Variants in SHC4 observed in about 807,000 individuals in gnomAD.
SHC4 encodes SHC-transforming protein 4.
In SHC4, 41 loss-of-function variants were observed where a neutral mutation model predicts 69.4. The ratio of observed to expected loss-of-function variants is 0.59; its 90% CI spans 0.46 to 0.77. The LOEUF (loss-of-function observed/expected upper bound fraction) is 0.77. SHC4 is among the 30% of genes least tolerant of loss of function. The pLI, the probability that SHC4 is intolerant of heterozygous loss-of-function variation, is 0.00. For missense variants in SHC4, 777 were observed against 783.8 expected (o/e 0.99, Z 0.10); for synonymous variants, 318 against 299.3 (o/e 1.06, Z -0.64).
intron 4 of SHC4, among the ~76,000 whole-genome samples, chr15:48,884,006 A>T (rs4775783): frequency 0.25 from 37,529 of 152,044 alleles, 5,855 homozygotes; most frequent in East Asian, 0.56. Flanking sequence ...GTTCTTTGCA[A>T]CTTAGTTCTT....
intron 9 of SHC4, among the ~76,000 whole-genome samples, chr15:48,845,470 T>C (rs141279169): frequency 1.3e-5 from 2 of 152,348 alleles, no homozygotes; most frequent in East Asian, 3.9e-4. Context: ...TATAAGATAG[T>C]TTCCATTTGC....
chr15:48,873,868 G>C (rs1420909283), intron 4 of SHC4, among the ~76,000 whole-genome samples: 1 of 152,194 alleles, frequency 6.6e-6, no homozygotes, highest in Non-Finnish European at 1.5e-5. Context: ...TCACTGAAGA[G>C]TATAAATAAG....
chr15:48,879,935 A>C lies in SHC4; in HGVS notation c.840+4313T>G, dbSNP rs775970210. On this transcript the variant is annotated intron_variant, in intron 4 of 11. Coordinates refer to ENST00000332408, the MANE Select transcript of SHC4 (RefSeq NM_203349.4). ...ATTCACAAATTAATTTCTGGAAATT[A>C]AACTTTGTAAATTAAGTTTTTGCCT... The C allele has an allele frequency of 4.8e-5, 8 of 167,266 alleles. No homozygotes were observed. The South Asian group carries it at 1.7e-3, about 35-fold the overall frequency. 10.4% of individuals were successfully genotyped at this position (167,266 alleles called of 1,614,324 possible).
chr15:48,895,100 TG>T (rs1567063682), intron 2 of SHC4, among the ~76,000 whole-genome samples: 1 of 152,084 alleles, frequency 6.6e-6, no homozygotes, highest in African/African-American at 2.4e-5. Flanking sequence ...CCACAGCTCC[TG>T]GCCAGCCCCT....
At chr15:48,866,301 T>C (rs891195585) in intron 6 of SHC4, among the ~76,000 whole-genome samples, 24 of 152,242 alleles carry the variant, frequency 1.6e-4, no homozygotes, top group Non-Finnish European at 1.8e-4. Flanking sequence ...TTGACCATGA[T>C]TCATTCTTCT....
At chr15:48,957,750 C>T (rs2141042844) in intron 1 of SHC4, among the ~76,000 whole-genome samples, 1 of 152,288 alleles carries the variant, frequency 6.6e-6, no homozygotes, top group South Asian at 2.1e-4. Context: ...GTGTGACCTT[C>T]TTTGGAAATA....
intron 1 of SHC4, among the ~76,000 whole-genome samples, chr15:48,942,907 A>G (rs1595765709): frequency 1.3e-5 from 2 of 152,346 alleles, no homozygotes; most frequent in East Asian, 1.9e-4. Context: ...GAGTACATCA[A>G]TGGAAACCAA....
intron 9 of SHC4, among the ~76,000 whole-genome samples, chr15:48,848,001 TAAA>T (rs571529935): frequency 1.0e-5 from 1 of 99,842 alleles, no homozygotes; most frequent in Non-Finnish European, 2.1e-5. Context: ...AAACTCCGTC[TAAA>T]AAAAAAAAAA....
chr15:48,935,062 G>A (rs539965237), intron 1 of SHC4, among the ~76,000 whole-genome samples: 1 of 152,122 alleles, frequency 6.6e-6, no homozygotes, highest in Non-Finnish European at 1.5e-5. Flanking sequence ...TTAAATGGGT[G>A]AATTATATGG....
intron 1 of SHC4, among the ~76,000 whole-genome samples, chr15:48,955,820 G>A (rs1400831297): frequency 6.6e-6 from 1 of 152,240 alleles, no homozygotes. Context: ...GATGAAGCAA[G>A]GTGGAGGTAG....
intron 1 of SHC4, among the ~76,000 whole-genome samples, chr15:48,954,441 G>A (rs1901410715): frequency 6.6e-6 from 1 of 152,200 alleles, no homozygotes; most frequent in Non-Finnish European, 1.5e-5. Flanking sequence ...TAGAGACTGG[G>A]AATCTGCATT....
intron 6 of SHC4, among the ~76,000 whole-genome samples, chr15:48,864,446 T>TC (rs1255806922): frequency 4.7e-5 from 6 of 128,576 alleles, no homozygotes; most frequent in African/African-American, 1.8e-4. Context: ...CTTTTTTTTT[T>TC]TTTTTTTTTT....
chr15:48,866,308 T>C (rs1899559048), intron 6 of SHC4, among the ~76,000 whole-genome samples: 1 of 152,230 alleles, frequency 6.6e-6, no homozygotes. Context: ...TGATTCATTC[T>C]TCTTATTTAG....
At chr15:48,912,798 C>A (rs1900532736) in intron 2 of SHC4, among the ~76,000 whole-genome samples, 1 of 152,166 alleles carries the variant, frequency 6.6e-6, no homozygotes, top group African/African-American at 2.4e-5. Context: ...TGATGTAGTT[C>A]TCTCCCCCTT....
chr15:48,959,295 T>C (rs533152550), intron 1 of SHC4, among the ~76,000 whole-genome samples: 1 of 152,356 alleles, frequency 6.6e-6, no homozygotes, highest in East Asian at 1.9e-4. Flanking sequence ...TGAAATAGTA[T>C]ATTTTTTCAT....
intron 5 of SHC4, among the ~76,000 whole-genome samples, chr15:48,869,558 A>G (rs931090291): frequency 3.3e-5 from 5 of 152,170 alleles, no homozygotes; most frequent in Non-Finnish European, 7.3e-5. Flanking sequence ...ACCATGTATC[A>G]TTTCACTTAA....
At chr15:48,938,517 T>C (rs571375170) in intron 1 of SHC4, 48 of 152,406 alleles carry the variant, frequency 3.1e-4, no homozygotes, top group African/African-American at 1.2e-3. Context: ...CAATTCTTCA[T>C]CTTCCCAGCA....
chr15:48,943,463 A>C (rs549800732), intron 1 of SHC4, among the ~76,000 whole-genome samples: 17 of 152,264 alleles, frequency 1.1e-4, no homozygotes, highest in African/African-American at 4.1e-4. Context: ...ATAATATTTC[A>C]TTGTATATAT....
At chr15:48,891,343 A>C (rs1320609696) in intron 2 of SHC4, among the ~76,000 whole-genome samples, 7 of 152,218 alleles carry the variant, frequency 4.6e-5, no homozygotes, top group Non-Finnish European at 1.0e-4. Context: ...CGAGCCATTG[A>C]GCTTTCATGT....
Sources: allele counts gnomAD v4.1 joint callset (sites outside exome capture counted in the v4.1 genomes callset), GRCh38; gene constraint gnomAD v4.1.1; transcripts MANE v1.5; gene names NCBI Gene and HGNC (gene_info 2026-07-23, HGNC 2026-07-21).